Variants in GSE1 observed in about 807,000 individuals in gnomAD.
The protein encoded by GSE1 is genetic suppressor element 1.
GSE1 carries 32 observed loss-of-function variants against 112.6 expected under a neutral mutation model. That is an observed-to-expected ratio of 0.28 (90% CI 0.21 to 0.38). The LOEUF (loss-of-function observed/expected upper bound fraction) is 0.38, where lower values mean the gene tolerates loss of function less well. Ranked by LOEUF, GSE1 falls within the 10% of genes least tolerant of loss-of-function variation. GSE1 has a pLI of 1.00. For synonymous variants in GSE1, 1,115 were observed against 735.6 expected (o/e 1.52, Z -8.35); for missense variants, 2,348 against 1,699.2 (o/e 1.38, Z -6.71).
chr16:85,449,066 C>G (rs1045521417), intron 2 of GSE1, among the ~76,000 whole-genome samples: 5 of 152,154 alleles, frequency 3.3e-5, no homozygotes, highest in African/African-American at 1.2e-4. Flanking sequence ...CAGGAGGGAG[C>G]CGGGCTGGAA....
chr16:85,395,525 C>T (rs977430625), intron 2 of GSE1, among the ~76,000 whole-genome samples: 2 of 152,178 alleles, frequency 1.3e-5, no homozygotes. Context: ...CTGGCATGTT[C>T]GCTGCCTGGA....
rs146896915 is a variant in GSE1, at chr16:85,535,083, C to CA, written c.2465-98830dup. On this transcript the variant is annotated intron_variant, in intron 2 of 2. Coordinates refer to the GSE1 transcript ENST00000637419. The stretch of plus-strand genomic sequence containing the variant: ...TCTGAGCAGGGGACCCAGGCCTTCT[C>CA]AGGGCCAGGATACAGACAGAAATGA... Among the ~76,000 whole-genome samples, 800 of 152,318 alleles carry CA rather than the reference C, an allele frequency of 5.3e-3. 4 individuals are homozygous for CA. The highest frequency in any genetic ancestry group is 0.018 in the African/African-American group (763 of 41,558).
At chr16:85,172,326 G>C (rs1044363347) in intron 1 of GSE1, among the ~76,000 whole-genome samples, 5 of 152,218 alleles carry the variant, frequency 3.3e-5, no homozygotes, top group African/African-American at 1.2e-4. Flanking sequence ...GACCGTGCTT[G>C]CTTTACGGCG....
At chr16:85,175,162 G>A (rs996835186) in intron 1 of GSE1, among the ~76,000 whole-genome samples, 10 of 152,322 alleles carry the variant, frequency 6.6e-5, no homozygotes, top group African/African-American at 2.4e-4. Context: ...GGAGGAGGGT[G>A]TCCCCTGCAC....
chr16:85,181,395 C>T lies in GSE1; in HGVS notation c.2283+9588C>T, dbSNP rs945067898. Among the ~76,000 whole-genome samples, 4 of 152,190 alleles carry T rather than the reference C, an allele frequency of 2.6e-5. 1 individual carries two copies. Among genetic ancestry groups the T allele is most frequent in the Non-Finnish European group, 4.4e-5 (3 of 68,034 alleles). On this transcript the variant is annotated intron_variant, in intron 1 of 2. Coordinates refer to the GSE1 transcript ENST00000637419. The stretch of plus-strand genomic sequence containing the variant: ...AGGGCTGGGAGGTGTGGGAGAGTGG[C>T]CAGTCCAATGCCACTGCCTCAGCCT...
intron 2 of GSE1, among the ~76,000 whole-genome samples, chr16:85,499,272 CAGAG>C (rs2051282624): frequency 7.0e-6 from 1 of 142,932 alleles, no homozygotes; most frequent in Non-Finnish European, 1.5e-5. Flanking sequence ...TGCCAGCTGT[CAGAG>C]AGAAGGCAGG....
intron 2 of GSE1, among the ~76,000 whole-genome samples, chr16:85,483,346 G>A (rs1487393622): frequency 6.6e-6 from 1 of 152,254 alleles, no homozygotes; most frequent in African/African-American, 2.4e-5. Context: ...AGGGGAGTAC[G>A]TGGAGTTGAG....
intron 2 of GSE1, among the ~76,000 whole-genome samples, chr16:85,380,370 T>C (rs4783179): frequency 0.95 from 145,212 of 152,244 alleles, 69,651 homozygotes; most frequent in East Asian, 1. Context: ...CTCATCTAAA[T>C]TGTGGCAGTG....
chr16:85,403,080 C>A (rs2048155215), intron 2 of GSE1, among the ~76,000 whole-genome samples: 1 of 62,462 alleles, frequency 1.6e-5, no homozygotes, highest in African/African-American at 3.7e-5. Context: ...CAAGCCCTCT[C>A]CCATGGTTGC....
Position 85,268,646 on chromosome 16 carries a change from A to G in GSE1, c.2284-88817A>G, listed in dbSNP as rs934031770. Among the ~76,000 whole-genome samples, 7 of 152,228 alleles carry G rather than the reference A, an allele frequency of 4.6e-5. No individual in the cohort carries two copies. The South Asian group carries it at 1.5e-3, about 32-fold the overall frequency. ...GGCCTGGGGCACTGCTGCTGCCATGATCCCGGCGTGTAGCTGCCCCTGGAG... is the reference window on the plus strand; with the variant it reads ...GGCCTGGGGCACTGCTGCTGCCATGGTCCCGGCGTGTAGCTGCCCCTGGAG... On this transcript the variant is annotated intron_variant, in intron 1 of 2. Coordinates refer to the GSE1 transcript ENST00000637419.
At chr16:85,652,182 A>G (rs1041144201) in intron 3 of GSE1, among the ~76,000 whole-genome samples, 1 of 152,202 alleles carries the variant, frequency 6.6e-6, no homozygotes, top group Non-Finnish European at 1.5e-5. Context: ...ATGCCCGTTC[A>G]TAGCCGTGCC....
chr16:85,288,918 C>T (rs1054704127), intron 1 of GSE1, among the ~76,000 whole-genome samples: 11 of 152,134 alleles, frequency 7.2e-5, no homozygotes, highest in Admixed American at 1.3e-4. Flanking sequence ...GCTCTATGGG[C>T]CTGAGAAATG....
intron 1 of GSE1, among the ~76,000 whole-genome samples, chr16:85,255,750 G>A (rs959857209): frequency 1.3e-5 from 2 of 149,864 alleles, no homozygotes; most frequent in Admixed American, 6.7e-5. Context: ...GTGCAGTGGC[G>A]TGATCTCGGC....
At chr16:85,436,725 G>A (rs1429563099) in intron 2 of GSE1, among the ~76,000 whole-genome samples, 3 of 152,236 alleles carry the variant, frequency 2.0e-5, no homozygotes, top group Admixed American at 6.5e-5. Context: ...TCTCCTGCCC[G>A]AGGGGCGGGC....
intron 1 of GSE1, among the ~76,000 whole-genome samples, chr16:85,569,177 C>A (rs1352982931): frequency 2.0e-5 from 3 of 152,244 alleles, no homozygotes; most frequent in Non-Finnish European, 4.4e-5. Flanking sequence ...CTGCCCTTCT[C>A]TACCTGTCCT....
intron 2 of GSE1, among the ~76,000 whole-genome samples, chr16:85,520,517 G>T (rs1057481663): frequency 2.3e-4 from 35 of 151,622 alleles, no homozygotes; most frequent in African/African-American, 8.5e-4. Context: ...AGCCTCCCGG[G>T]CCCAAGTGAT....
chr16:85,567,059 C>CCCCCA (rs1331649723), intron 1 of GSE1, among the ~76,000 whole-genome samples: 1 of 149,626 alleles, frequency 6.7e-6, no homozygotes, highest in East Asian at 2.1e-4. Flanking sequence ...CCCACCCCCA[C>CCCCCA]CCCCACCCCC....
At chr16:85,579,830 T>G (rs774771312) in intron 1 of GSE1, among the ~76,000 whole-genome samples, 8 of 152,174 alleles carry the variant, frequency 5.3e-5, no homozygotes, top group Non-Finnish European at 8.8e-5. Flanking sequence ...AATAGCTCCA[T>G]GGATGGGGAG....
At position 85,657,610 on chromosome 16, in the gene GSE1, T is replaced by TGAGC; in HGVS notation, c.1640+7_1640+10dup. On this transcript the variant is annotated splice_region_variant and intron_variant, in intron 8 of 15. Coordinates refer to ENST00000253458, the MANE Select transcript of GSE1 (RefSeq NM_014615.5). Reference sequence around the variant, plus strand: ...AGGCCGGAGAGCACCACCAGGTGAGTGAGCCCCAGGAAGGAAGGAGGGATG... The same window carrying TGAGC: ...AGGCCGGAGAGCACCACCAGGTGAGTGAGCGAGCCCCAGGAAGGAAGGAGGGATG... 1 of 1,505,002 alleles carries TGAGC rather than the reference T, an allele frequency of 6.6e-7. No individual in the cohort carries two copies. 93.2% of individuals were successfully genotyped at this position (1,505,002 alleles called of 1,614,324 possible). A position where few individuals can be genotyped will look rare whatever the true frequency, so the allele number is the denominator to read the frequency against.
Sources: allele counts gnomAD v4.1 joint callset (sites outside exome capture counted in the v4.1 genomes callset), GRCh38; gene constraint gnomAD v4.1.1; transcripts MANE v1.5; gene names NCBI Gene and HGNC (gene_info 2026-07-23, HGNC 2026-07-21).